XKR6: variants seen among roughly 807,000 people sequenced by gnomAD.
XKR6 encodes the protein XK-related protein 6.
In XKR6, 22 loss-of-function variants were observed where a neutral mutation model predicts 56.7. The ratio of observed to expected loss-of-function variants is 0.39; its 90% CI spans 0.28 to 0.55. XKR6 has a LOEUF of 0.55. XKR6 is among the 20% of genes least tolerant of loss of function. The pLI is 0.66. For synonymous variants in XKR6, 524 were observed against 387.8 expected, an observed-to-expected ratio of 1.35 and a Z score of -4.13; for missense variants, 852 against 889.0, an observed-to-expected ratio of 0.96 and a Z score of 0.53.
rs145634278 is a variant in XKR6 at position 11,023,570 on chromosome 8, C to G, written c.765-98740G>C. 1.1e-4 allele frequency among the ~76,000 whole-genome samples: 17 copies of G among 152,332 alleles called. No individual in the cohort carries two copies. The East Asian group carries it at 3.3e-3, about 29-fold the overall frequency. On this transcript the variant is annotated intron_variant, in intron 1 of 2. Transcript: ENST00000416569. ...TGAGCCACTGTGCCACCTGGGACTG[C>G]TTTCTAAAGAGATTTTCTATCTTAG...
At chr8:10,950,523 T>C (rs1401769732) in intron 1 of XKR6, among the ~76,000 whole-genome samples, 1 of 152,020 alleles carries the variant, frequency 6.6e-6, no homozygotes, top group Non-Finnish European at 1.5e-5. Flanking sequence ...GTTCATAAAG[T>C]GGGAACAAGG....
chr8:11,150,405 A>G (rs1035387115), intron 1 of XKR6, among the ~76,000 whole-genome samples: 1 of 152,200 alleles, frequency 6.6e-6, no homozygotes, highest in Non-Finnish European at 1.5e-5. Flanking sequence ...TGCTTTATGC[A>G]TAAGCCATTT....
chr8:10,904,343 C>T (rs1800124788), intron 2 of XKR6, among the ~76,000 whole-genome samples: 1 of 152,120 alleles, frequency 6.6e-6, no homozygotes, highest in Non-Finnish European at 1.5e-5. Context: ...CCTTTGGGCT[C>T]TGATCACCAG....
chr8:11,102,145 A>G (rs1798508549), intron 1 of XKR6, among the ~76,000 whole-genome samples: 1 of 152,180 alleles, frequency 6.6e-6, no homozygotes, highest in Non-Finnish European at 1.5e-5. Context: ...GTCAATCCCA[A>G]CTGACATAAA....
intron 1 of XKR6, among the ~76,000 whole-genome samples, chr8:11,177,485 C>T (rs2117071682): frequency 6.6e-6 from 1 of 152,286 alleles, no homozygotes; most frequent in Middle Eastern, 3.4e-3. Context: ...AGATGGAAGT[C>T]CTAACCCCCT....
intron 1 of XKR6, among the ~76,000 whole-genome samples, chr8:11,127,860 T>G (rs1298263100): frequency 1.3e-5 from 2 of 152,238 alleles, no homozygotes; most frequent in Admixed American, 6.5e-5. Context: ...GTTTTAACAC[T>G]GATTTGACGT....
At chr8:11,187,893 C>T (rs535165141) in intron 1 of XKR6, among the ~76,000 whole-genome samples, 27 of 152,320 alleles carry the variant, frequency 1.8e-4, no homozygotes, top group African/African-American at 6.5e-4. Flanking sequence ...CCCCTACAAT[C>T]ATCTGAGTAT....
intron 2 of XKR6, among the ~76,000 whole-genome samples, chr8:10,905,505 A>G (rs1278110510): frequency 1.3e-5 from 2 of 152,180 alleles, no homozygotes; most frequent in East Asian, 1.9e-4. Context: ...ATGTGGCCAC[A>G]GCCATATCCT....
intron 1 of XKR6, among the ~76,000 whole-genome samples, chr8:11,085,100 C>T (rs1050499666): frequency 3.3e-5 from 5 of 152,112 alleles, no homozygotes; most frequent in African/African-American, 1.2e-4. Context: ...CTCCTCCTTC[C>T]AGGGTCTCCT....
rs1474410007 is a variant in XKR6, at chr8:11,150,670, T to A, written c.764+49906A>T. On this transcript the variant is annotated intron_variant, in intron 1 of 2. Coordinates refer to ENST00000416569, the MANE Select transcript of XKR6 (RefSeq NM_173683.4). ...TAGTTTGAGAGCAGCCTGGCCAACA[T>A]GGTGAAACCCCGTCTCTACTAAAAA... is the stretch of plus-strand genomic sequence containing the variant. Among the ~76,000 whole-genome samples, 4 of 151,976 alleles carry A rather than the reference T, an allele frequency of 2.6e-5. No homozygotes were observed. In the South Asian group the frequency reaches 6.2e-4, roughly 24 times the overall value.
chr8:11,065,543 T>G (rs1396916232), intron 1 of XKR6, among the ~76,000 whole-genome samples: 1 of 152,206 alleles, frequency 6.6e-6, no homozygotes, highest in African/African-American at 2.4e-5. Flanking sequence ...CTACTTATTT[T>G]TTTTTCTTTC....
At chr8:10,924,869 G>A in intron 1 of XKR6, 39 bp from the exon 2 acceptor site, 2 of 1,582,820 alleles carry the variant, frequency 1.3e-6, no homozygotes, top group African/African-American at 1.3e-5. Flanking sequence ...GAGCATGGGT[G>A]GGTGCAGGGG....
At chr8:10,948,989 C>T (rs1029431424) in intron 1 of XKR6, among the ~76,000 whole-genome samples, 3 of 152,200 alleles carry the variant, frequency 2.0e-5, no homozygotes, top group African/African-American at 7.2e-5. Flanking sequence ...TCGGGAGGCT[C>T]CTCAAAGTCA....
chr8:11,106,176 T>C (rs1798667976), intron 1 of XKR6: 1 of 152,232 alleles, frequency 6.6e-6, no homozygotes, highest in Admixed American at 6.5e-5. Context: ...AAGTAATACA[T>C]ACCTGGATAG....
intron 1 of XKR6, among the ~76,000 whole-genome samples, chr8:11,164,439 C>T (rs1801968949): frequency 6.6e-6 from 1 of 152,130 alleles, no homozygotes; most frequent in Non-Finnish European, 1.5e-5. Context: ...TATTCTAAGT[C>T]TTCTCCCCTA....
chr8:11,008,053 C>T (rs185137728), intron 1 of XKR6, among the ~76,000 whole-genome samples: 96 of 152,256 alleles, frequency 6.3e-4, no homozygotes, highest in African/African-American at 1.9e-3. Context: ...AGCATTCAGG[C>T]GTTCACACAG....
intron 1 of XKR6, chr8:11,124,507 T>G (rs1655794418): frequency 6.2e-6 from 1 of 162,154 alleles, no homozygotes; most frequent in Non-Finnish European, 1.4e-5. Flanking sequence ...ATAAAAATCT[T>G]TGTCAAAGCT....
intron 1 of XKR6, among the ~76,000 whole-genome samples, chr8:11,079,781 G>T (rs1367858668): frequency 1.3e-5 from 2 of 152,034 alleles, no homozygotes; most frequent in Non-Finnish European, 2.9e-5. Context: ...GCAATATAAG[G>T]AGACCCCTTG....
rs149216113 is a variant in XKR6 at position 10,965,807 on chromosome 8, G to A, written c.765-40977C>T. ...TGAACAGATGTTCTTGCTTCCGACC[G>A]TTCACACAACGGAGAGGAGCTCATG... On this transcript the variant is annotated intron_variant, in intron 1 of 2. Coordinates refer to ENST00000416569, the MANE Select transcript of XKR6 (RefSeq NM_173683.4). Among the ~76,000 whole-genome samples the A allele has an allele frequency of 3.0e-3, 464 of 152,350 alleles. 1 individual carries two copies. Among genetic ancestry groups the A allele is most frequent in the African/African-American group, 0.011 (448 of 41,584 alleles).
Sources: allele counts gnomAD v4.1 joint callset (sites outside exome capture counted in the v4.1 genomes callset), GRCh38; gene constraint gnomAD v4.1.1; transcripts MANE v1.5; gene names NCBI Gene and HGNC (gene_info 2026-07-23, HGNC 2026-07-21).